The following CCDC91 variants were observed in gnomAD, a reference collection of about 807,000 sequenced individuals.
CCDC91 encodes the protein coiled-coil domain-containing protein 91.
A neutral mutation model predicts 63.2 loss-of-function variants in CCDC91; 48 were observed. The observed-to-expected ratio is 0.76, with a 90% CI of 0.60 to 0.97. CCDC91 has a LOEUF of 0.97. Ranked by LOEUF, CCDC91 falls within the 50% of genes least tolerant of loss-of-function variation. The pLI is 0.00. For missense variants in CCDC91, 500 were observed against 494.6 expected (o/e 1.01, Z -0.10); for synonymous variants, 167 against 165.8 (o/e 1.01, Z -0.06).
intron 3 of CCDC91, among the ~76,000 whole-genome samples, chr12:28,262,277 C>T (rs982995024): frequency 6.6e-6 from 1 of 151,910 alleles, no homozygotes; most frequent in Non-Finnish European, 1.5e-5. Context: ...TTTAAAAAGA[C>T]ATGATGATTA....
chr12:28,427,517 T>C (rs750770152), intron 8 of CCDC91, among the ~76,000 whole-genome samples: 16 of 152,106 alleles, frequency 1.1e-4, no homozygotes, highest in Non-Finnish European at 1.6e-4. Flanking sequence ...CGCAAAGCCT[T>C]CTGCCCCCAG....
chr12:28,218,406 A>G (rs1476046000), intron 1 of CCDC91, among the ~76,000 whole-genome samples: 1 of 152,122 alleles, frequency 6.6e-6, no homozygotes, highest in East Asian at 1.9e-4. Flanking sequence ...ATCATTTTAA[A>G]TTTAGGTGTA....
chr12:28,450,037 A>C (rs2272361), intron 8 of CCDC91, 124 bp from the exon 9 acceptor site: 163,854 of 552,390 alleles, frequency 0.3, 27,005 homozygotes, highest in African/African-American at 0.45. Flanking sequence ...TTTTAGGGAA[A>C]TTCTCATTTT....
intron 7 of CCDC91, among the ~76,000 whole-genome samples, chr12:28,382,311 ATATT>A (rs1390351956): frequency 4.0e-5 from 6 of 151,622 alleles, no homozygotes; most frequent in Non-Finnish European, 5.9e-5. Flanking sequence ...AAATTTTAAA[ATATT>A]TATTTTAATC....
At chr12:28,338,828 C>CT (rs966037522) in intron 6 of CCDC91, among the ~76,000 whole-genome samples, 1 of 151,814 alleles carries the variant, frequency 6.6e-6, no homozygotes, top group African/African-American at 2.4e-5. Flanking sequence ...TGGTATATTT[C>CT]TTTTTTTCTT....
At chr12:28,372,652 G>T (rs899777445) in intron 7 of CCDC91, among the ~76,000 whole-genome samples, 3 of 151,902 alleles carry the variant, frequency 2.0e-5, no homozygotes, top group African/African-American at 7.2e-5. Flanking sequence ...GTTGTTATTG[G>T]TGCTACTGAT....
Position 28,305,780 on chromosome 12 carries a change from G to GT in CCDC91, c.242dup (p.Ser82GlufsTer28). The GT allele has an allele frequency of 6.2e-7, 1 of 1,612,720 alleles. No homozygotes were observed. The highest frequency in any genetic ancestry group is 8.5e-7 in the Non-Finnish European group (1 of 1,179,190). On this transcript the variant is annotated frameshift_variant, in exon 4 of 13. Transcript: ENST00000536442. LOFTEE classifies it high-confidence loss of function. ...GAATACACATGCAGCAAATAGCATT[G>GT]TGAGTCAAACTATTCCAAAAGCACA...
Position 28,272,206 on chromosome 12 carries a change from A to G in CCDC91, c.109+12764A>G, listed in dbSNP as rs183284633. On this transcript the variant is annotated intron_variant, in intron 3 of 12. Transcript: ENST00000536442. ...CTGTAGTTTTACTGTGATATACTAC[A>G]TAAAGATACCTTATTTTCTTTGATT... Among the ~76,000 whole-genome samples, 154 of 152,132 alleles carry G rather than the reference A, an allele frequency of 1.0e-3. 1 individual carries two copies. The highest frequency in any genetic ancestry group is 3.3e-3 in the African/African-American group (139 of 41,550).
chr12:28,496,266 A>G (rs1952274218), intron 12 of CCDC91, among the ~76,000 whole-genome samples: 2 of 151,786 alleles, frequency 1.3e-5, no homozygotes, highest in African/African-American at 2.4e-5. Flanking sequence ...AGGATAAACT[A>G]TTGCATAGTT....
intron 6 of CCDC91, among the ~76,000 whole-genome samples, chr12:28,362,230 C>A (rs760977994): frequency 2.0e-5 from 3 of 147,258 alleles, no homozygotes; most frequent in African/African-American, 4.9e-5. Context: ...CTCTTGTTTC[C>A]CTTTAATTCC....
intron 3 of CCDC91, among the ~76,000 whole-genome samples, chr12:28,282,752 T>A (rs1948682915): frequency 6.6e-6 from 1 of 152,128 alleles, no homozygotes; most frequent in African/African-American, 2.4e-5. Context: ...GCATTTGCAT[T>A]TGGGATCTTA....
intron 8 of CCDC91, among the ~76,000 whole-genome samples, chr12:28,406,164 T>C (rs952537206): frequency 6.6e-6 from 1 of 152,094 alleles, no homozygotes; most frequent in African/African-American, 2.4e-5. Context: ...TGCATGGTGA[T>C]GGTTTGCTGC....
intron 1 of CCDC91, among the ~76,000 whole-genome samples, chr12:28,239,412 T>G (rs1429209284): frequency 1.3e-5 from 2 of 152,102 alleles, no homozygotes; most frequent in Admixed American, 1.3e-4. Flanking sequence ...AAATTGCATG[T>G]GATGGCATTA....
At chr12:28,268,568 A>G (rs937496874) in intron 3 of CCDC91, 1 of 575,920 alleles carries the variant, frequency 1.7e-6, no homozygotes, top group African/African-American at 2.0e-5. Context: ...GAAGTCTAGA[A>G]TATCAGTCTC....
At chr12:28,439,219 G>A (rs936122130) in intron 8 of CCDC91, among the ~76,000 whole-genome samples, 10 of 152,068 alleles carry the variant, frequency 6.6e-5, no homozygotes, top group Admixed American at 5.2e-4. Flanking sequence ...GAAGCTTATT[G>A]CTATTATTTT....
intron 1 of CCDC91, among the ~76,000 whole-genome samples, chr12:28,231,338 T>C (rs978837641): frequency 6.6e-6 from 1 of 152,244 alleles, no homozygotes; most frequent in African/African-American, 2.4e-5. Flanking sequence ...AATATTGTAG[T>C]TGCAGACAGA....
Position 28,362,280 on chromosome 12 carries a change from T to TTATATATATATATATATATATA in CCDC91, c.577-143_577-142insATATATATATATATATATATAT, listed in dbSNP as rs71438746. ...TTCTCCAATGCTTTTAAGCAAAGCT[T>TTATATATATATATATATATATA]TATATATATATATATGTTTTCTCTT... is the stretch of plus-strand genomic sequence containing the variant. On this transcript the variant is annotated intron_variant, in intron 6 of 12. Transcript: ENST00000536442. Among the ~76,000 whole-genome samples the TTATATATATATATATATATATA allele has an allele frequency of 3.1e-3, 402 of 131,738 alleles. 26 individuals carry two copies. The highest frequency in any genetic ancestry group is 7.0e-3 in the South Asian group (29 of 4,134). The allele number at this position is 131,738 out of a possible 152,430, so 86.4% of individuals were successfully genotyped here.
chr12:28,488,534 G>A (rs1217609843), intron 12 of CCDC91, among the ~76,000 whole-genome samples: 2 of 151,612 alleles, frequency 1.3e-5, no homozygotes, highest in Admixed American at 6.6e-5. Flanking sequence ...AATCTTTTTA[G>A]AAATTTCTCT....
intron 6 of CCDC91, among the ~76,000 whole-genome samples, chr12:28,327,149 T>C (rs916149022): frequency 1.4e-5 from 2 of 142,988 alleles, no homozygotes; most frequent in Admixed American, 1.4e-4. Flanking sequence ...AGAAATTATT[T>C]AGGCAGATAG....
Sources: gnomAD v4.1 joint callset for allele counts (sites outside exome capture counted in the v4.1 genomes callset) on GRCh38, gnomAD v4.1.1 for gene constraint, MANE v1.5 for transcripts, NCBI Gene and HGNC (gene_info 2026-07-23, HGNC 2026-07-21) for gene names.